Variants in ADGRL3 observed in about 807,000 individuals in gnomAD.
The protein encoded by ADGRL3 is adhesion G protein-coupled receptor L3.
Under a neutral mutation model 153.5 loss-of-function variants are expected in ADGRL3, and 62 were observed. The observed-to-expected ratio is 0.40, with a 90% CI of 0.33 to 0.50. ADGRL3 has a LOEUF of 0.50. Among genes scored for constraint, ADGRL3 ranks in the 20% least tolerant of loss-of-function variants. The pLI, the probability that ADGRL3 is intolerant of heterozygous loss-of-function variation, is 0.47. For synonymous variants in ADGRL3, 710 were observed against 672.5 expected (o/e 1.06, Z -0.86); for missense variants, 1,641 against 1,859.4 (o/e 0.88, Z 2.16).
At position 61,723,878 on chromosome 4, in the gene ADGRL3, A is replaced by G. The variant is rs533499588; in HGVS notation, c.584-6744A>G. Among the ~76,000 whole-genome samples, 70 of 152,308 alleles carry G rather than the reference A, an allele frequency of 4.6e-4. No individual in the cohort carries two copies. The South Asian group carries it at 6.6e-3, about 14-fold the overall frequency. On this transcript the variant is annotated intron_variant, in intron 6 of 26. Coordinates refer to ENST00000683033, the MANE Select transcript of ADGRL3 (RefSeq NM_001387552.1). ...TTACCCTTTCTCCATACCTAAAATA[A>G]TTTCTTAATAACTTCTGTAATAATA...
chr4:61,791,856 G>A (rs2097346023), intron 8 of ADGRL3, among the ~76,000 whole-genome samples: 1 of 152,196 alleles, frequency 6.6e-6, no homozygotes, highest in African/African-American at 2.4e-5. Context: ...CATGGCCTGA[G>A]CTGTACATTG....
intron 1 of ADGRL3, among the ~76,000 whole-genome samples, chr4:61,238,394 T>C (rs1827770): frequency 0.19 from 28,347 of 151,970 alleles, 2,760 homozygotes; most frequent in Admixed American, 0.21. Flanking sequence ...AAATACTTCA[T>C]AGTGAAACTT....
At chr4:61,668,227 A>T (rs901708625) in intron 5 of ADGRL3, among the ~76,000 whole-genome samples, 4 of 152,238 alleles carry the variant, frequency 2.6e-5, no homozygotes, top group East Asian at 3.9e-4. Context: ...AATGAGGAAG[A>T]AAAGGTGCTG....
intron 18 of ADGRL3, among the ~76,000 whole-genome samples, chr4:61,982,227 A>T (rs1276631831): frequency 6.6e-6 from 1 of 152,122 alleles, no homozygotes; most frequent in African/African-American, 2.4e-5. Flanking sequence ...ACTACACAAA[A>T]CTCATTTCTA....
chr4:61,608,222 T>G (rs1355936826), intron 5 of ADGRL3, among the ~76,000 whole-genome samples: 1 of 152,196 alleles, frequency 6.6e-6, no homozygotes, highest in Non-Finnish European at 1.5e-5. Context: ...CTTTTCATAC[T>G]CCCAATCTTG....
At chr4:61,215,703 C>T (rs1742407130) in intron 1 of ADGRL3, among the ~76,000 whole-genome samples, 1 of 151,820 alleles carries the variant, frequency 6.6e-6, no homozygotes, top group Admixed American at 6.6e-5. Flanking sequence ...AGGCGCCCGC[C>T]ACCACGCCCG....
At chr4:61,679,991 A>G (rs1040668339) in intron 6 of ADGRL3, among the ~76,000 whole-genome samples, 2 of 152,056 alleles carry the variant, frequency 1.3e-5, no homozygotes, top group Admixed American at 1.3e-4. Context: ...TTTTTCTTAA[A>G]GCAGCTGAAT....
chr4:61,762,691 A>C (rs1580699735), intron 8 of ADGRL3, among the ~76,000 whole-genome samples: 1 of 152,164 alleles, frequency 6.6e-6, no homozygotes, highest in Non-Finnish European at 1.5e-5. Flanking sequence ...GATAAATACA[A>C]CATGAAGCAC....
intron 8 of ADGRL3, among the ~76,000 whole-genome samples, chr4:61,746,787 A>C (rs2096668235): frequency 6.6e-6 from 1 of 152,276 alleles, no homozygotes; most frequent in Non-Finnish European, 1.5e-5. Flanking sequence ...CTAACATCAC[A>C]ATTAAAAGAA....
intron 5 of ADGRL3, among the ~76,000 whole-genome samples, chr4:61,647,749 T>C (rs2094085529): frequency 6.6e-6 from 1 of 151,010 alleles, no homozygotes; most frequent in Non-Finnish European, 1.5e-5. Context: ...AATTCACTTT[T>C]TATTGTATAG....
intron 4 of ADGRL3, among the ~76,000 whole-genome samples, chr4:61,563,050 C>A (rs2149003966): frequency 6.6e-6 from 1 of 151,706 alleles, no homozygotes; most frequent in East Asian, 1.9e-4. Flanking sequence ...CTATTTATGG[C>A]AGCTATAGAG....
intron 8 of ADGRL3, among the ~76,000 whole-genome samples, chr4:61,773,880 G>T (rs2152322008): frequency 6.6e-6 from 1 of 152,224 alleles, no homozygotes. Context: ...GCAAGACAAA[G>T]GAAAAGAACT....
At chr4:61,673,846 A>T (rs2095090344) in intron 5 of ADGRL3, among the ~76,000 whole-genome samples, 1 of 151,228 alleles carries the variant, frequency 6.6e-6, no homozygotes, top group Admixed American at 6.6e-5. Context: ...ATCATAAATT[A>T]TTTTGAAAGG....
At chr4:61,446,047 G>T (rs1355169525) in intron 2 of ADGRL3, among the ~76,000 whole-genome samples, 1 of 152,140 alleles carries the variant, frequency 6.6e-6, no homozygotes, top group Non-Finnish European at 1.5e-5. Flanking sequence ...ATGTTTAGTA[G>T]GCCATACCAG....
At chr4:61,569,771 A>T (rs1342241181) in intron 4 of ADGRL3, among the ~76,000 whole-genome samples, 4 of 151,914 alleles carry the variant, frequency 2.6e-5, no homozygotes, top group Non-Finnish European at 5.9e-5. Flanking sequence ...CCTTTTTTTT[A>T]AATTTTAATT....
At chr4:61,711,489 T>C (rs199928745) in intron 6 of ADGRL3, among the ~76,000 whole-genome samples, 2,484 of 107,912 alleles carry the variant, frequency 0.023, 273 homozygotes, top group African/African-American at 0.079. Flanking sequence ...TATATATATA[T>C]ATACACACAC....
chr4:61,323,551 T>C (rs1405265536), intron 1 of ADGRL3, among the ~76,000 whole-genome samples: 1 of 152,112 alleles, frequency 6.6e-6, no homozygotes, highest in Non-Finnish European at 1.5e-5. Flanking sequence ...CTAAATCATC[T>C]AAGTTCAAAG....
chr4:61,616,689 A>C (rs1292705346), intron 5 of ADGRL3, among the ~76,000 whole-genome samples: 2 of 152,226 alleles, frequency 1.3e-5, no homozygotes, highest in Admixed American at 6.5e-5. Context: ...GATTTCTAAT[A>C]GTAATTTGTG....
chr4:61,833,737 G>A (rs2097900374), intron 9 of ADGRL3, among the ~76,000 whole-genome samples: 1 of 152,152 alleles, frequency 6.6e-6, no homozygotes, highest in African/African-American at 2.4e-5. Flanking sequence ...TGGCTAATTT[G>A]TTAGTCCTAC....
Sources: gnomAD v4.1 joint callset for allele counts (sites outside exome capture counted in the v4.1 genomes callset) on GRCh38, gnomAD v4.1.1 for gene constraint, MANE v1.5 for transcripts, NCBI Gene and HGNC (gene_info 2026-07-23, HGNC 2026-07-21) for gene names.